CDK7: variants seen among roughly 807,000 people sequenced by gnomAD.
CDK7 encodes cyclin dependent kinase 7.
Under a neutral mutation model 49.1 loss-of-function variants are expected in CDK7, and 25 were observed. That is an observed-to-expected ratio of 0.51 (90% CI 0.37 to 0.71). The LOEUF (loss-of-function observed/expected upper bound fraction) is 0.71, where lower values mean the gene tolerates loss of function less well. Ranked by LOEUF, CDK7 falls within the 30% of genes least tolerant of loss-of-function variation. CDK7 has a pLI of 0.00. For missense variants in CDK7, 316 were observed against 411.7 expected, an observed-to-expected ratio of 0.77 and a Z score of 2.01; for synonymous variants, 107 against 140.0, an observed-to-expected ratio of 0.76 and a Z score of 1.67.
At chr5:69,272,419 A>T (rs1751655453) in intron 9 of CDK7, among the ~76,000 whole-genome samples, 1 of 152,166 alleles carries the variant, frequency 6.6e-6, no homozygotes, top group Non-Finnish European at 1.5e-5. Context: ...TATATCTAAG[A>T]TAATTTTGCT....
At chr5:69,268,850 A>C (rs1002344384) in intron 8 of CDK7, among the ~76,000 whole-genome samples, 11 of 148,582 alleles carry the variant, frequency 7.4e-5, no homozygotes, top group South Asian at 2.1e-4. Flanking sequence ...AAAAAAAAAA[A>C]CCCATCTCTA....
intron 8 of CDK7, among the ~76,000 whole-genome samples, chr5:69,264,653 G>A (rs528949144): frequency 1.4e-4 from 21 of 152,266 alleles, no homozygotes; most frequent in African/African-American, 4.8e-4. Context: ...GATGTGAATC[G>A]TCAGACTAAA....
chr5:69,250,830 T>C, intron 2 of CDK7: 1 of 456,608 alleles, frequency 2.2e-6, no homozygotes, highest in Non-Finnish European at 4.4e-6. Flanking sequence ...CTGAGGCCCA[T>C]GGTGAGGCCC....
Position 69,234,970 on chromosome 5 carries a change from C to T in CDK7, c.-6C>T, listed in dbSNP as rs1688236708. The T allele has an allele frequency of 2.5e-6, 4 of 1,591,430 alleles. No homozygotes were observed. The highest frequency in any genetic ancestry group is 2.7e-5 in the African/African-American group (2 of 74,688). ...TTTCGGCTGGAGTCGGGCTTTACGG[C>T]GCCGGATGGCTCTGGACGTGAAGTC... On this transcript the variant is annotated 5_prime_UTR_variant, in exon 1 of 12. Coordinates refer to ENST00000256443, the MANE Select transcript of CDK7 (RefSeq NM_001799.4).
intron 2 of CDK7, among the ~76,000 whole-genome samples, chr5:69,236,275 A>G (rs1748969633): frequency 6.6e-6 from 1 of 152,020 alleles, no homozygotes; most frequent in Admixed American, 6.6e-5. Flanking sequence ...TCATAATTAC[A>G]TAACTCACGT....
chr5:69,242,135 T>A (rs1749437227), intron 2 of CDK7, among the ~76,000 whole-genome samples: 1 of 152,242 alleles, frequency 6.6e-6, no homozygotes, highest in East Asian at 1.9e-4. Context: ...ATATCCAATT[T>A]TCCCAGCACC....
At chr5:69,262,094 G>A (rs1363542973) in intron 7 of CDK7, 111 bp from the exon 8 acceptor site, 5 of 1,323,444 alleles carry the variant, frequency 3.8e-6, no homozygotes, top group Admixed American at 1.8e-5. Context: ...AGTCCTTAAA[G>A]TAAGGGATTG....
At chr5:69,236,475 A>G (rs1318870861) in intron 2 of CDK7, among the ~76,000 whole-genome samples, 2 of 151,996 alleles carry the variant, frequency 1.3e-5, no homozygotes, top group Admixed American at 6.6e-5. Context: ...GCTACTTTGA[A>G]TCTGCTTCTC....
intron 3 of CDK7, among the ~76,000 whole-genome samples, chr5:69,253,670 A>G (rs1750294011): frequency 6.6e-6 from 1 of 152,224 alleles, no homozygotes; most frequent in Admixed American, 6.5e-5. Context: ...GTAGGGCAAG[A>G]GTAGGGAAGC....
At chr5:69,273,966 TCTC>T (rs1326802401) in intron 10 of CDK7, among the ~76,000 whole-genome samples, 4 of 152,144 alleles carry the variant, frequency 2.6e-5, no homozygotes, top group African/African-American at 7.2e-5. Context: ...TTAGAATTAT[TCTC>T]CTAATTTCTT....
chr5:69,248,354 C>T (rs1027744329), intron 2 of CDK7, among the ~76,000 whole-genome samples: 4 of 151,882 alleles, frequency 2.6e-5, no homozygotes, highest in Admixed American at 6.6e-5. Context: ...TTTCTTCTTG[C>T]TGCTTTTAGG....
intron 10 of CDK7, among the ~76,000 whole-genome samples, chr5:69,273,554 A>C (rs1472719659): frequency 6.6e-6 from 1 of 152,186 alleles, no homozygotes; most frequent in Non-Finnish European, 1.5e-5. Flanking sequence ...TGCTTACAAA[A>C]GCTTGAAAAA....
rs554114554 is a variant in CDK7, at chr5:69,266,926, G to A, written c.628-2281G>A. ...TGGCTCTGCACTGAGCAAAAGTTAC[G>A]TAATTATCAAAAATGAGAGGGAGAT... On this transcript the variant is annotated intron_variant, in intron 8 of 11. Coordinates refer to ENST00000256443, the MANE Select transcript of CDK7 (RefSeq NM_001799.4). Among the ~76,000 whole-genome samples the A allele has an allele frequency of 7.2e-5, 11 of 152,156 alleles. No individual in the cohort carries two copies. The East Asian group carries it at 7.7e-4, about 11-fold the overall frequency.
chr5:69,275,045 C>T (rs1437070699), intron 10 of CDK7, among the ~76,000 whole-genome samples: 1 of 144,162 alleles, frequency 6.9e-6, no homozygotes, highest in Non-Finnish European at 1.5e-5. Flanking sequence ...GCCTGGGCAA[C>T]AGGGTGAGAC....
At chr5:69,249,274 C>T (rs545054979) in intron 2 of CDK7, among the ~76,000 whole-genome samples, 1 of 152,274 alleles carries the variant, frequency 6.6e-6, no homozygotes, top group South Asian at 2.1e-4. Flanking sequence ...GACACAGTGG[C>T]TCATGCCTGT....
In CDK7 at chr5:69,254,721, T is replaced by C. The variant is rs764845095; in HGVS notation, c.228+52T>C. 1.2e-5 allele frequency: 11 copies of C among 936,114 alleles called. No individual in the cohort carries two copies. The South Asian group carries it at 1.2e-4, about 10-fold the overall frequency. 58.0% of individuals were successfully genotyped at this position (936,114 alleles called of 1,614,324 possible). ...GATTTGGGACTCTGCCTTTTCTTAA[T>C]ATAATGGATGTTGATTAAAGGCTCA... On this transcript the variant is annotated intron_variant, in intron 4 of 11. Transcript: ENST00000256443.
chr5:69,248,802 C>CT (rs70992911), intron 2 of CDK7, among the ~76,000 whole-genome samples: 13,868 of 92,348 alleles, frequency 0.15, 2,136 homozygotes, highest in African/African-American at 0.33. Flanking sequence ...TTTTTTTTTT[C>CT]TTTTTTTTTT....
chr5:69,254,801 C>A, intron 4 of CDK7, 132 bp downstream of exon 4: 2 of 599,480 alleles, frequency 3.3e-6, no homozygotes, highest in South Asian at 2.2e-5. Flanking sequence ...AATACATTTT[C>A]TATCCCAGTT....
At chr5:69,275,632 T>G (rs908323628) in intron 10 of CDK7, among the ~76,000 whole-genome samples, 1 of 152,232 alleles carries the variant, frequency 6.6e-6, no homozygotes, top group Non-Finnish European at 1.5e-5. Flanking sequence ...AACAAAACTT[T>G]GTTTTATGTA....
Sources: allele counts gnomAD v4.1 joint callset (sites outside exome capture counted in the v4.1 genomes callset), GRCh38; gene constraint gnomAD v4.1.1; transcripts MANE v1.5; gene names NCBI Gene and HGNC (gene_info 2026-07-23, HGNC 2026-07-21).